The following PCDHGA4 variants were observed in gnomAD, a reference collection of about 807,000 sequenced individuals.
PCDHGA4 encodes the protein protocadherin gamma subfamily A, 4, also known as protocadherin gamma-A4.
In PCDHGA4, 38 loss-of-function variants were observed where a neutral mutation model predicts 54.6. That is an observed-to-expected ratio of 0.70 (90% CI 0.54 to 0.91). The LOEUF is 0.91. Among genes scored for constraint, PCDHGA4 ranks in the 40% least tolerant of loss-of-function variants. PCDHGA4 has a pLI of 0.00. For missense variants in PCDHGA4, 1,298 were observed against 1,220.9 expected, an observed-to-expected ratio of 1.06 and a Z score of -0.94; for synonymous variants, 511 against 512.9, an observed-to-expected ratio of 1.00 and a Z score of 0.05.
intron 1 of PCDHGA4, chr5:141,394,106 T>C: frequency 1.2e-6 from 2 of 1,613,942 alleles, no homozygotes; most frequent in Non-Finnish European, 1.7e-6. Flanking sequence ...GAACACCACC[T>C]CTGTCCACTG....
At chr5:141,427,940 C>T (rs1391166364) in intron 1 of PCDHGA4, 1 of 1,585,904 alleles carries the variant, frequency 6.3e-7, no homozygotes. Context: ...TGGTGGGCGA[C>T]CTCAATGACA....
intron 1 of PCDHGA4, chr5:141,370,513 AGCTGGACAGGGGCTC>A (rs768998364): frequency 2.8e-5 from 45 of 1,613,894 alleles, no homozygotes; most frequent in Non-Finnish European, 3.6e-5. Context: ...ATTCCCGAGG[AGCTGGACAGGGGCTC>A]GCTGGTAGGG....
chr5:141,399,584 C>A (rs765946308), intron 1 of PCDHGA4: 34 of 1,613,904 alleles, frequency 2.1e-5, no homozygotes, highest in Non-Finnish European at 2.6e-5. Context: ...GTCTCCTACT[C>A]TATCATGGCC....
intron 1 of PCDHGA4, among the ~76,000 whole-genome samples, chr5:141,359,694 G>T (rs4912605): frequency 0.056 from 8,471 of 151,988 alleles, 245 homozygotes; most frequent in African/African-American, 0.071. Flanking sequence ...ACATATCTCC[G>T]GAAGGATACC....
At chr5:141,423,882 C>T in intron 1 of PCDHGA4, 3 of 1,282,372 alleles carry the variant, frequency 2.3e-6, no homozygotes, top group Non-Finnish European at 3.0e-6. Context: ...TCAATCTTGG[C>T]ATATTTTCTT....
intron 1 of PCDHGA4, chr5:141,478,182 AT>A: frequency 6.2e-7 from 1 of 1,613,984 alleles, no homozygotes. Context: ...CAGAAAAAAA[AT>A]CTCACCTTTT....
At chr5:141,427,557 A>G (rs1437024906) in intron 1 of PCDHGA4, 1 of 650,060 alleles carries the variant, frequency 1.5e-6, no homozygotes, top group Non-Finnish European at 2.8e-6. Flanking sequence ...TGCCACTGAC[A>G]AGGGCAAGCC....
At chr5:141,392,837 C>T (rs772636303) in intron 1 of PCDHGA4, 1 of 1,608,294 alleles carries the variant, frequency 6.2e-7, no homozygotes. Context: ...AGAGTCGCCC[C>T]AGACGCGGCG....
chr5:141,355,538 C>T lies in PCDHGA4; in HGVS notation c.431C>T (p.Thr144Ile), dbSNP rs757292300. Residue 144 changes from threonine (T) to isoleucine (I), a missense_variant, in exon 1 of 4, where the codon ACA becomes ATA. Thr to Ile is a moderately conservative substitution (Grantham distance 89). Coordinates refer to ENST00000571252, the MANE Select transcript of PCDHGA4 (RefSeq NM_018917.4). ...VTNLEILLED[T>I]VKILRVEVEI... is the part of the protein sequence containing the mutation. ...AACCTGGAGATTCTTCTAGAAGATA[C>T]AGTGAAGATTTTGCGGGTAGAGGTG... The T allele has an allele frequency of 6.2e-6, 10 of 1,614,004 alleles. No individual in the cohort carries two copies. The South Asian group carries it at 7.7e-5, about 12-fold the overall frequency.
chr5:141,365,354 G>A, intron 1 of PCDHGA4: 1 of 1,613,932 alleles, frequency 6.2e-7, no homozygotes, highest in Non-Finnish European at 8.5e-7. Flanking sequence ...GGACGTGAAT[G>A]ACAATGCCCC....
In PCDHGA4 at chr5:141,432,845, G is replaced by A. The variant is rs1299464282; in HGVS notation, c.2515-61962G>A. The A allele has an allele frequency of 1.2e-6, 2 of 1,614,076 alleles. No individual in the cohort carries two copies. The highest frequency in any genetic ancestry group is 8.5e-7 in the Non-Finnish European group (1 of 1,180,024). ...AGACCTCACTCTGTACCTGGTGGTA[G>A]CGGTGGCCGCGGTCTCCTGCGTCTT... On this transcript the variant is annotated intron_variant, in intron 1 of 3. Coordinates refer to ENST00000571252, the MANE Select transcript of PCDHGA4 (RefSeq NM_018917.4). This position sits in a 1 kb window ranked among gnomAD's most constrained non-coding sequence, Gnocchi z 6.0.
At chr5:141,400,441 G>T (rs757449650) in intron 1 of PCDHGA4, 29 of 1,613,966 alleles carry the variant, frequency 1.8e-5, no homozygotes, top group Non-Finnish European at 2.1e-5. Flanking sequence ...ATTGAGTTCA[G>T]GACAAGACAT....
Position 141,355,755 on chromosome 5 carries a change from G to A in PCDHGA4, c.648G>A (p.Gly216=), listed in dbSNP as rs761483033. 64 of 1,613,806 alleles carry A rather than the reference G, an allele frequency of 4.0e-5. No individual in the cohort carries two copies. Among genetic ancestry groups the A allele is most frequent in the Non-Finnish European group, 5.3e-5 (62 of 1,179,882 alleles). The change falls in exon 1 of 4, where the codon GGG becomes GGA. Residue 216 remains glycine, a synonymous_variant. Coordinates refer to ENST00000571252, the MANE Select transcript of PCDHGA4 (RefSeq NM_018917.4). The stretch of plus-strand genomic sequence containing the variant: ...ACTTTTCCCTGGACGTGCAAAGTGG[G>A]GCCGATGGGATTAAGTACCCAGAGC... ...NGYFSLDVQS[G]ADGIKYPELV...
chr5:141,503,912 A>AAC (rs34419983), intron 2 of PCDHGA4, among the ~76,000 whole-genome samples: 3 of 152,280 alleles, frequency 2.0e-5, no homozygotes, highest in East Asian at 3.9e-4. Context: ...CACACAACGC[A>AAC]ACACACACAC....
chr5:141,419,870 G>C, intron 1 of PCDHGA4: 1 of 1,614,054 alleles, frequency 6.2e-7, no homozygotes, highest in Non-Finnish European at 8.5e-7. Context: ...CTTGCAAGAG[G>C]TACTGCCGGA....
At chr5:141,406,002 A>G (rs1348687108) in intron 1 of PCDHGA4, among the ~76,000 whole-genome samples, 1 of 151,598 alleles carries the variant, frequency 6.6e-6, no homozygotes, top group Non-Finnish European at 1.5e-5. Flanking sequence ...CTCAGCCTGC[A>G]TTGATGTGGG....
chr5:141,361,727 C>T, intron 1 of PCDHGA4: 3 of 1,613,274 alleles, frequency 1.9e-6, no homozygotes, highest in Non-Finnish European at 2.5e-6. Context: ...TTCGAGCTCA[C>T]ACTGCAGGCC....
At chr5:141,376,374 G>C (rs561821467) in intron 1 of PCDHGA4, 10 of 1,614,072 alleles carry the variant, frequency 6.2e-6, no homozygotes, top group African/African-American at 2.7e-5. Flanking sequence ...GCAGACTCGC[G>C]TAAGAGTCAT....
chr5:141,372,379 T>A, intron 1 of PCDHGA4: 1 of 1,614,006 alleles, frequency 6.2e-7, no homozygotes, highest in Non-Finnish European at 8.5e-7. Context: ...ATGCTGCACC[T>A]AATCTTCGCA....
Sources: gnomAD v4.1 joint callset for allele counts (sites outside exome capture counted in the v4.1 genomes callset) on GRCh38, gnomAD v4.1.1 for gene constraint, Gnocchi (gnomAD v3.1) non-coding constraint, MANE v1.5 for transcripts, NCBI Gene and HGNC (gene_info 2026-07-23, HGNC 2026-07-21) for gene names.